The following TRIM5 variants were observed in gnomAD, a reference collection of about 807,000 sequenced individuals.
The protein encoded by TRIM5 is tripartite motif-containing protein 5.
Under a neutral mutation model 35.6 loss-of-function variants are expected in TRIM5, and 31 were observed. The observed-to-expected ratio is 0.87, with a 90% CI of 0.65 to 1.18. The LOEUF (loss-of-function observed/expected upper bound fraction) is 1.18. Among genes scored for constraint, TRIM5 ranks in the 50% most tolerant of loss-of-function variants. The pLI, the probability that TRIM5 is intolerant of heterozygous loss-of-function variation, is 0.00. For synonymous variants in TRIM5, 243 were observed against 215.6 expected, an observed-to-expected ratio of 1.13 and a Z score of -1.11; for missense variants, 609 against 591.6, an observed-to-expected ratio of 1.03 and a Z score of -0.31.
At chr11:5,635,980 G>A in the TRIM5 span, among the ~76,000 whole-genome samples, 1 of 152,214 alleles carries the variant, frequency 6.6e-6, no homozygotes, top group Non-Finnish European at 1.5e-5. Flanking sequence ...CTGCTTGGCA[G>A]TTGCTCAGAA....
At chr11:5,599,383 A>ATATT in the TRIM5 span, among the ~76,000 whole-genome samples, 59,185 of 146,660 alleles carry the variant, frequency 0.4, 12,136 homozygotes, top group South Asian at 0.46. Flanking sequence ...TACAATTATT[A>ATATT]TATTTATTTA....
intron 2 of TRIM5, among the ~76,000 whole-genome samples, chr11:5,679,559 T>C (rs1460686014): frequency 6.6e-6 from 1 of 152,112 alleles, no homozygotes; most frequent in East Asian, 1.9e-4. Context: ...CGGCCAGGAA[T>C]ATATACTCTA....
At chr11:5,646,395 C>T in the TRIM5 span, among the ~76,000 whole-genome samples, 1 of 152,116 alleles carries the variant, frequency 6.6e-6, no homozygotes, top group African/African-American at 2.4e-5. Context: ...CTTGGTTATT[C>T]TCCATCAAAT....
chr11:5,664,136 G>A lies in TRIM5; in HGVS notation c.*673C>T, dbSNP rs1024596016. 1.3e-5 allele frequency: 7 copies of A among 541,622 alleles called. No homozygotes were observed. The highest frequency in any genetic ancestry group is 1.6e-5 in the Non-Finnish European group (7 of 426,226). The allele number at this position is 541,622 out of a possible 1,614,324, so 33.6% of individuals were successfully genotyped here. A position where few individuals can be genotyped will look rare whatever the true frequency, so the allele number is the denominator to read the frequency against. On this transcript the variant is annotated 3_prime_UTR_variant, in exon 8 of 8. Transcript: ENST00000380034. ...GAATTGCTTGAATCTGAGAGGTGGA[G>A]GTTGCAGTGAACCGAGATCGTGCCA...
At chr11:5,675,783 G>C (rs1851922388) in intron 4 of TRIM5, among the ~76,000 whole-genome samples, 1 of 139,842 alleles carries the variant, frequency 7.2e-6, no homozygotes, top group African/African-American at 2.7e-5. Flanking sequence ...CATGTGCCAT[G>C]CTGGTGCGCT....
At chr11:5,673,217 A>T (rs1851702887) in intron 4 of TRIM5, among the ~76,000 whole-genome samples, 1 of 152,162 alleles carries the variant, frequency 6.6e-6, no homozygotes, top group South Asian at 2.1e-4. Flanking sequence ...AAATAAACCC[A>T]AAGTAGAAAT....
At chr11:5,648,989 T>TATAG in the TRIM5 span, among the ~76,000 whole-genome samples, 7 of 152,194 alleles carry the variant, frequency 4.6e-5, no homozygotes, top group Non-Finnish European at 7.3e-5. Flanking sequence ...ACTAAACCAG[T>TATAG]ATAGGTGTTT....
intron 1 of TRIM5, among the ~76,000 whole-genome samples, chr11:5,682,645 G>C (rs1214317861): frequency 6.6e-6 from 1 of 152,158 alleles, no homozygotes; most frequent in Non-Finnish European, 1.5e-5. Flanking sequence ...GTATATACTG[G>C]AACTGACAAT....
chr11:5,640,255 T>G, the TRIM5 span, among the ~76,000 whole-genome samples: 6 of 152,332 alleles, frequency 3.9e-5, no homozygotes, highest in East Asian at 9.6e-4. Context: ...GCTGTAGGTT[T>G]TTCATAGATG....
chr11:5,639,508 G>A, the TRIM5 span, among the ~76,000 whole-genome samples: 11 of 151,468 alleles, frequency 7.3e-5, no homozygotes, highest in Non-Finnish European at 1.0e-4. Context: ...GTGAAACCCC[G>A]TCTCTACTAA....
At chr11:5,591,249 A>C in the TRIM5 span, among the ~76,000 whole-genome samples, 1 of 152,356 alleles carries the variant, frequency 6.6e-6, no homozygotes, top group South Asian at 2.1e-4. Context: ...AATATTATAT[A>C]CTGTTACTGA....
chr11:5,669,365 C>A (rs1851404308), intron 4 of TRIM5, among the ~76,000 whole-genome samples: 1 of 152,198 alleles, frequency 6.6e-6, no homozygotes, highest in African/African-American at 2.4e-5. Context: ...CAGGCGTGAG[C>A]CACCGCACCC....
At chr11:5,625,610 G>A in the TRIM5 span, among the ~76,000 whole-genome samples, 1 of 152,134 alleles carries the variant, frequency 6.6e-6, no homozygotes, top group Non-Finnish European at 1.5e-5. Context: ...GCTTTCTGTG[G>A]CCATCCTCAC....
At chr11:5,652,052 G>C in the TRIM5 span, among the ~76,000 whole-genome samples, 1 of 152,072 alleles carries the variant, frequency 6.6e-6, no homozygotes, top group African/African-American at 2.4e-5. Context: ...TTAACCGTTT[G>C]TCAGGTGGAT....
intron 4 of TRIM5, among the ~76,000 whole-genome samples, chr11:5,676,214 C>T (rs1431563253): frequency 1.3e-5 from 2 of 151,882 alleles, no homozygotes; most frequent in African/African-American, 4.8e-5. Flanking sequence ...TGGGTATATA[C>T]CCAGTAATGG....
In TRIM5 at chr11:5,666,900, T is replaced by C. The variant is rs527281190; in HGVS notation, c.767+789A>G. Among the ~76,000 whole-genome samples, 3 of 152,240 alleles carry C rather than the reference T, an allele frequency of 2.0e-5. No homozygotes were observed. The South Asian group carries it at 6.2e-4, about 32-fold the overall frequency. On this transcript the variant is annotated intron_variant, in intron 5 of 7. Coordinates refer to ENST00000380034, the MANE Select transcript of TRIM5 (RefSeq NM_033034.3). Reference sequence around the variant, plus strand: ...GGAAATAAACATCTGATTTTGGAAATCTAAATATAAATGAAGAGGAACTGG... The same window carrying C: ...GGAAATAAACATCTGATTTTGGAAACCTAAATATAAATGAAGAGGAACTGG...
chr11:5,621,770 G>C, the TRIM5 span, among the ~76,000 whole-genome samples: 3 of 152,146 alleles, frequency 2.0e-5, no homozygotes, highest in African/African-American at 7.2e-5. Context: ...CTTTGAAAAG[G>C]CTAATCAGAA....
chr11:5,643,540 T>C, the TRIM5 span: 2 of 1,614,182 alleles, frequency 1.2e-6, no homozygotes, highest in East Asian at 2.2e-5. Context: ...CCCTGCCGTG[T>C]TGGGGTTTTC....
At chr11:5,608,847 ATTTTTTTTTT>A in the TRIM5 span, among the ~76,000 whole-genome samples, 5 of 101,902 alleles carry the variant, frequency 4.9e-5, no homozygotes, top group Non-Finnish European at 9.1e-5. Flanking sequence ...TTGCCCATAA[ATTTTTTTTTT>A]TTTTTTTTTT....
Sources: gnomAD v4.1 joint callset for allele counts (sites outside exome capture counted in the v4.1 genomes callset) on GRCh38, gnomAD v4.1.1 for gene constraint, MANE v1.5 for transcripts, NCBI Gene and HGNC (gene_info 2026-07-23, HGNC 2026-07-21) for gene names.